The following PARVB variants were observed in gnomAD, a reference collection of about 807,000 sequenced individuals.
The protein encoded by PARVB is beta-parvin.
Under a neutral mutation model 47.0 loss-of-function variants are expected in PARVB, and 46 were observed. The ratio of observed to expected loss-of-function variants is 0.98; its 90% CI spans 0.77 to 1.25. The LOEUF (loss-of-function observed/expected upper bound fraction) is 1.25. Ranked by LOEUF, PARVB falls within the 50% of genes most tolerant of loss-of-function variation. The pLI, the probability that PARVB is intolerant of heterozygous loss-of-function variation, is 0.00. For synonymous variants in PARVB, 196 were observed against 196.3 expected (o/e 1.00, Z 0.01); for missense variants, 473 against 471.6 (o/e 1.00, Z -0.03).
At chr22:44,100,191 C>T in intron 3 of PARVB, 68 bp downstream of exon 3, 1 of 1,260,470 alleles carries the variant, frequency 7.9e-7, no homozygotes, top group Middle Eastern at 1.9e-4. Flanking sequence ...GTTCAGGGCT[C>T]TCATGGACAA....
intron 2 of PARVB, among the ~76,000 whole-genome samples, chr22:44,012,617 C>T (rs370692361): frequency 1.3e-5 from 2 of 152,152 alleles, no homozygotes; most frequent in East Asian, 1.9e-4. Flanking sequence ...AAAGTATAAC[C>T]TGGGGGAAAT....
At chr22:44,073,684 G>C (rs1287427819) in intron 1 of PARVB, among the ~76,000 whole-genome samples, 2 of 152,222 alleles carry the variant, frequency 1.3e-5, no homozygotes, top group African/African-American at 4.8e-5. Flanking sequence ...TTTGGGTTGT[G>C]CTTGAGCAGA....
In PARVB at chr22:44,100,069, C is replaced by T. The variant is rs758248777; in HGVS notation, c.219C>T (p.Arg73=). 3 of 1,613,892 alleles carry T rather than the reference C, an allele frequency of 1.9e-6. No homozygotes were observed. The highest frequency in any genetic ancestry group is 2.2e-5 in the East Asian group (1 of 44,888). ...CCCTGGCAGAGGAGAACGAGGAGCGCACGATGATTGACCCCACTTCCAAGG... is the reference window on the plus strand; with the variant it reads ...CCCTGGCAGAGGAGAACGAGGAGCGTACGATGATTGACCCCACTTCCAAGG... ...EDTQLEENEE[R]TMIDPTSKED... Residue 73 remains arginine, a synonymous_variant, in exon 3 of 13, where the codon CGC becomes CGT. Transcript: ENST00000338758.
intron 1 of PARVB, among the ~76,000 whole-genome samples, chr22:44,043,895 C>T (rs1211405788): frequency 6.6e-6 from 1 of 152,174 alleles, no homozygotes; most frequent in Non-Finnish European, 1.5e-5. Context: ...CTTCCTCCTC[C>T]TCCTCATCTT....
intron 4 of PARVB, among the ~76,000 whole-genome samples, chr22:44,122,483 C>T (rs189944853): frequency 2.1e-3 from 186 of 89,374 alleles, no homozygotes; most frequent in African/African-American, 5.1e-3. Context: ...GAGACCCTGT[C>T]GATCAAGAGA....
At chr22:44,036,364 T>C (rs2050922965) in intron 1 of PARVB, among the ~76,000 whole-genome samples, 1 of 152,236 alleles carries the variant, frequency 6.6e-6, no homozygotes, top group African/African-American at 2.4e-5. Flanking sequence ...TGTGTAAGTT[T>C]TGATACATTT....
At chr22:44,003,032 T>A (rs1469676103) in intron 2 of PARVB, among the ~76,000 whole-genome samples, 1 of 152,206 alleles carries the variant, frequency 6.6e-6, no homozygotes, top group Non-Finnish European at 1.5e-5. Flanking sequence ...CTGTGAAGTT[T>A]GACCAACTGT....
At chr22:44,024,074 G>T (rs1034952083), upstream of PARVB, among the ~76,000 whole-genome samples, 2 of 152,152 alleles carry the variant, frequency 1.3e-5, no homozygotes, top group Non-Finnish European at 2.9e-5. Flanking sequence ...AGAGCCCAGG[G>T]CTCCAACGCG....
chr22:44,038,020 T>C (rs2050950989), intron 1 of PARVB, among the ~76,000 whole-genome samples: 1 of 152,242 alleles, frequency 6.6e-6, no homozygotes, highest in South Asian at 2.1e-4. Context: ...TTGCTTTCTG[T>C]GGGTCCCATG....
chr22:44,056,143 C>T (rs889815912), intron 1 of PARVB, among the ~76,000 whole-genome samples: 9 of 152,242 alleles, frequency 5.9e-5, no homozygotes, highest in Non-Finnish European at 1.3e-4. Context: ...GGAGCCCCAC[C>T]GTGCGTGCTG....
In PARVB at chr22:44,151,571, G is replaced by A; in HGVS notation, c.843+20G>A. 3 of 1,598,178 alleles carry A rather than the reference G, an allele frequency of 1.9e-6. No homozygotes were observed. Among genetic ancestry groups the A allele is most frequent in the Non-Finnish European group, 2.6e-6 (3 of 1,165,398 alleles). On this transcript the variant is annotated intron_variant, in intron 10 of 12. Transcript: ENST00000338758. ...ACCCAGGTATGTGCTGCTTTGGCTT[G>A]AAGGATCCTTTGTCCACCGCCATTT...
chr22:44,027,030 G>A (rs796993534), intron 1 of PARVB, among the ~76,000 whole-genome samples: 7 of 152,196 alleles, frequency 4.6e-5, no homozygotes, highest in East Asian at 1.9e-4. Flanking sequence ...TGAGCTTCAC[G>A]GTGGGCGTGA....
chr22:44,086,984 A>G (rs913966821), intron 1 of PARVB: 3 of 204,452 alleles, frequency 1.5e-5, no homozygotes, highest in Non-Finnish European at 2.6e-5. Context: ...GTGAGTTGGC[A>G]CAGAGCCGCA....
intron 9 of PARVB, 62 bp downstream of exon 9, chr22:44,147,984 A>G (rs2053724276): frequency 2.4e-6 from 3 of 1,258,954 alleles, no homozygotes; most frequent in Non-Finnish European, 3.5e-6. Flanking sequence ...TGACAGCACA[A>G]ACGCCCCGCT....
chr22:44,055,672 C>CTATATA (rs1182742364), intron 1 of PARVB, among the ~76,000 whole-genome samples: 3 of 139,038 alleles, frequency 2.2e-5, no homozygotes, highest in African/African-American at 8.6e-5. Flanking sequence ...CTCTCTCTCT[C>CTATATA]TCTCTCTATA....
chr22:44,056,166 A>C (rs2051307335), intron 1 of PARVB, among the ~76,000 whole-genome samples: 1 of 152,114 alleles, frequency 6.6e-6, no homozygotes, highest in Admixed American at 6.5e-5. Context: ...CTATGACTCG[A>C]GTTTACGCAG....
intron 12 of PARVB, among the ~76,000 whole-genome samples, chr22:44,164,413 C>CCCA (rs1555913776): frequency 1.3e-4 from 18 of 143,988 alleles, no homozygotes; most frequent in East Asian, 5.9e-4. Context: ...TCCCTGTCCC[C>CCCA]CCCCCGGCTC....
At chr22:44,120,160 C>A (rs954269986) in intron 4 of PARVB, among the ~76,000 whole-genome samples, 3 of 152,188 alleles carry the variant, frequency 2.0e-5, no homozygotes, top group Non-Finnish European at 4.4e-5. Context: ...GACCTGTCTA[C>A]GGAGCAGCCC....
rs1452419857 is a variant in PARVB at position 44,048,643 on chromosome 22, C to A, written c.112+24192C>A. ...GTGGCACAATCTCAGCTCACTGTAA[C>A]CTCCGCCTCCAGGCTTCAAGCGATT... On this transcript the variant is annotated intron_variant, in intron 1 of 12. Transcript: ENST00000338758. Among the ~76,000 whole-genome samples the A allele has an allele frequency of 2.0e-5, 3 of 152,178 alleles. No homozygotes were observed. In the East Asian group the frequency reaches 5.8e-4, roughly 29 times the overall value.
Sources: allele counts gnomAD v4.1 joint callset (sites outside exome capture counted in the v4.1 genomes callset), GRCh38; gene constraint gnomAD v4.1.1; transcripts MANE v1.5; gene names NCBI Gene and HGNC (gene_info 2026-07-23, HGNC 2026-07-21).